The following ZWILCH variants were observed in gnomAD, a reference collection of about 807,000 sequenced individuals.
ZWILCH encodes protein zwilch homolog.
A neutral mutation model predicts 79.9 loss-of-function variants in ZWILCH; 74 were observed. The ratio of observed to expected loss-of-function variants is 0.93; its 90% CI spans 0.77 to 1.12. ZWILCH has a LOEUF of 1.12. Ranked by LOEUF, ZWILCH falls within the 50% of genes most tolerant of loss-of-function variation. The probability of loss-of-function intolerance (pLI) is 0.00; values close to 1 mark genes in which losing one functional copy is unlikely to be tolerated. For missense variants in ZWILCH, 694 were observed against 687.5 expected, an observed-to-expected ratio of 1.01 and a Z score of -0.11; for synonymous variants, 241 against 228.2, an observed-to-expected ratio of 1.06 and a Z score of -0.51.
In ZWILCH at chr15:66,508,870, G is replaced by A. The variant is rs201349152; in HGVS notation, c.83G>A (p.Arg28His). Residue 28 changes from arginine (R) to histidine (H), a missense_variant, in exon 2 of 19, where the codon CGT becomes CAT. Transcript: ENST00000307897. ...QKFNEEKKGI[R>H]KDPFLYEADV... ...TTTAATGAAGAAAAGAAAGGAATCC[G>A]TAAAGACCCATTTCTCTATGAGGTA... The A allele has an allele frequency of 3.7e-5, 60 of 1,613,852 alleles. No individual in the cohort carries two copies. In the Middle Eastern group the frequency reaches 6.6e-4, roughly 18 times the overall value.
intron 14 of ZWILCH, among the ~76,000 whole-genome samples, chr15:66,535,290 C>T (rs1894974719): frequency 6.6e-6 from 1 of 152,250 alleles, no homozygotes; most frequent in Admixed American, 6.5e-5. Context: ...ATACCAATAT[C>T]ACAGCTAACA....
chr15:66,528,331 T>C (rs1359199103), intron 10 of ZWILCH, among the ~76,000 whole-genome samples: 3 of 152,196 alleles, frequency 2.0e-5, no homozygotes, highest in Non-Finnish European at 4.4e-5. Context: ...CTTGAACTCG[T>C]GGGCTCAAGC....
chr15:66,542,454 A>T (rs1396719300), intron 17 of ZWILCH, among the ~76,000 whole-genome samples: 1 of 152,140 alleles, frequency 6.6e-6, no homozygotes, highest in Non-Finnish European at 1.5e-5. Context: ...GTGTGGTGGC[A>T]TGTGCCTGTA....
chr15:66,507,685 A>G (rs35482049), intron 1 of ZWILCH, among the ~76,000 whole-genome samples: 1,969 of 152,326 alleles, frequency 0.013, 35 homozygotes, highest in African/African-American at 0.045. Context: ...AGCATCTAGC[A>G]GGAGTGACTG....
At chr15:66,537,307 TAGCACTATGGG>T (rs1567051296) in intron 16 of ZWILCH, 44 bp downstream of exon 16, 1 of 1,442,928 alleles carries the variant, frequency 6.9e-7, no homozygotes, top group East Asian at 2.3e-5. Flanking sequence ...CCTGTAATCC[TAGCACTATGGG>T]AGGCTGAGGT....
intron 2 of ZWILCH, among the ~76,000 whole-genome samples, chr15:66,510,022 A>G (rs560752274): frequency 6.7e-6 from 1 of 149,980 alleles, no homozygotes. Context: ...ACTAAAAAAT[A>G]CAAAAATTAG....
chr15:66,512,574 T>C (rs1304192348), intron 2 of ZWILCH, among the ~76,000 whole-genome samples: 5 of 151,984 alleles, frequency 3.3e-5, no homozygotes, highest in Admixed American at 1.3e-4. Context: ...CAGAGTTATA[T>C]GCTTGGAAAA....
In ZWILCH at chr15:66,549,494, G is replaced by A. The variant is rs1895514175; in HGVS notation, c.*1170G>A. On this transcript the variant is annotated 3_prime_UTR_variant, in exon 19 of 19. Transcript: ENST00000307897. ...AAATTCAAAGAAACAAATAATATGTGTTGGCATTTCTTGATGCATAGTTGC... is the reference window on the plus strand; with the variant it reads ...AAATTCAAAGAAACAAATAATATGTATTGGCATTTCTTGATGCATAGTTGC... The A allele has an allele frequency of 6.6e-6, 1 of 152,208 alleles. No homozygotes were observed. Among genetic ancestry groups the A allele is most frequent in the African/African-American group, 2.4e-5 (1 of 41,462 alleles). The allele number at this position is 152,208 out of a possible 1,614,324, so 9.4% of individuals were successfully genotyped here.
At chr15:66,507,938 CA>C (rs34334763) in intron 1 of ZWILCH, among the ~76,000 whole-genome samples, 1,766 of 97,654 alleles carry the variant, frequency 0.018, 48 homozygotes, top group East Asian at 0.12. Context: ...GACTGCATCT[CA>C]AAAAAAAAAA....
chr15:66,518,870 G>A lies in ZWILCH; in HGVS notation c.321-9G>A, dbSNP rs748022756. The A allele has an allele frequency of 1.9e-6, 3 of 1,612,776 alleles. No homozygotes were observed. Among genetic ancestry groups the A allele is most frequent in the Non-Finnish European group, 2.5e-6 (3 of 1,178,886 alleles). On this transcript the variant is annotated splice_polypyrimidine_tract_variant and intron_variant, in intron 4 of 18. Transcript: ENST00000307897. ...CTATCTATAATTTGTCCTTACTCTTGTTTTAAAGGCAGTTAATTGGACTTT... is the reference window on the plus strand; with the variant it reads ...CTATCTATAATTTGTCCTTACTCTTATTTTAAAGGCAGTTAATTGGACTTT...
At chr15:66,529,782 A>G (rs1894804859) in intron 12 of ZWILCH, among the ~76,000 whole-genome samples, 1 of 152,250 alleles carries the variant, frequency 6.6e-6, no homozygotes, top group Non-Finnish European at 1.5e-5. Flanking sequence ...GTAGTGTTCC[A>G]GGATTGATTA....
chr15:66,518,917 A>G lies in ZWILCH; in HGVS notation c.359A>G (p.Asn120Ser). The change falls in exon 5 of 19, where the codon AAT (asparagine) becomes AGT (serine). Residue 120 changes from asparagine to serine, a missense_variant. By Grantham distance (46) the Asn-to-Ser change is conservative. Transcript: ENST00000307897. ...CTTTACACCATGGCTCACAATCCTA[A>G]TATGACCCATTTGAAGATTAATCTG... Reference protein sequence around the residue: ...IGLYTMAHNPNMTHLKINLPV... With the variant: ...IGLYTMAHNPSMTHLKINLPV... The G allele has an allele frequency of 6.2e-7, 1 of 1,614,226 alleles. No homozygotes were observed. The highest frequency in any genetic ancestry group is 8.5e-7 in the Non-Finnish European group (1 of 1,180,030).
intron 14 of ZWILCH, among the ~76,000 whole-genome samples, chr15:66,534,180 CTCT>C (rs1184586145): frequency 6.6e-6 from 1 of 151,498 alleles, no homozygotes; most frequent in Non-Finnish European, 1.5e-5. Context: ...TGTCATTATT[CTCT>C]TTTTTTTCTT....
intron 8 of ZWILCH, 63 bp downstream of exon 8, chr15:66,523,811 T>C (rs1894586397): frequency 7.7e-7 from 1 of 1,299,256 alleles, no homozygotes; most frequent in East Asian, 2.3e-5. Context: ...TGTGCTATTG[T>C]TGTTTTTACT....
intron 5 of ZWILCH, among the ~76,000 whole-genome samples, chr15:66,520,205 C>T (rs1299955462): frequency 2.6e-5 from 4 of 152,068 alleles, no homozygotes; most frequent in Admixed American, 6.6e-5. Context: ...ACTGCAGCCT[C>T]GACCTCCTGG....
intron 10 of ZWILCH, 129 bp downstream of exon 10, chr15:66,528,041 TG>T: frequency 1.8e-6 from 1 of 564,250 alleles, no homozygotes; most frequent in Non-Finnish European, 3.0e-6. Flanking sequence ...GGGGAATTTT[TG>T]TTGATCTTTA....
At position 66,528,927 on chromosome 15, in the gene ZWILCH, G is replaced by C. The variant is rs1894772503; in HGVS notation, c.1045G>C (p.Ala349Pro). 2.5e-6 allele frequency: 4 copies of C among 1,614,062 alleles called. No individual in the cohort carries two copies. Among genetic ancestry groups the C allele is most frequent in the Non-Finnish European group, 3.4e-6 (4 of 1,179,978 alleles). ...LFKVRSDLDF[A>P]EQLWCKMSSS... is the part of the protein sequence containing the mutation. ...CAAAGTTCGGAGTGATCTTGATTTT[G>C]CTGAGCAACTGTGGTGCAAAATGAG... Residue 349 changes from alanine to proline, a missense_variant, in exon 11 of 19, where the codon GCT becomes CCT. Transcript: ENST00000307897.
At chr15:66,535,907 A>G (rs765439894) in intron 14 of ZWILCH, 26 bp from the exon 15 acceptor site, 113 of 1,580,022 alleles carry the variant, frequency 7.2e-5, no homozygotes, top group Non-Finnish European at 9.6e-5. Flanking sequence ...TTAAATCTCT[A>G]TTTTGCTTAT....
At position 66,535,949 on chromosome 15, in the gene ZWILCH, C is replaced by A. The variant is rs755220575; in HGVS notation, c.1358C>A (p.Pro453Gln). Residue 453 changes from proline (P) to glutamine (Q), a missense_variant, in exon 15 of 19, where the codon CCA (proline) becomes CAA (glutamine). By Grantham distance (76) the Pro-to-Gln change is moderately conservative. Transcript: ENST00000307897. Reference sequence around the variant, plus strand: ...TCATTCCAGGAATACTTCATTGCTCCATCAGTAGATATACAAGAACAGGTT... The same window carrying A: ...TCATTCCAGGAATACTTCATTGCTCAATCAGTAGATATACAAGAACAGGTT... ...SLNHLEYFIA[P>Q]SVDIQEQVYR... 3.7e-6 allele frequency: 6 copies of A among 1,603,746 alleles called. No individual in the cohort carries two copies. The South Asian group carries it at 6.8e-5, about 18-fold the overall frequency.
Sources: allele counts gnomAD v4.1 joint callset (sites outside exome capture counted in the v4.1 genomes callset), GRCh38; gene constraint gnomAD v4.1.1; transcripts MANE v1.5; gene names NCBI Gene and HGNC (gene_info 2026-07-23, HGNC 2026-07-21).